COL28A1: variants seen among roughly 807,000 people sequenced by gnomAD.
COL28A1 encodes the protein collagen type XXVIII alpha 1 chain.
In COL28A1, 161 loss-of-function variants were observed where a neutral mutation model predicts 150.2. The observed-to-expected ratio is 1.07, with a 90% CI of 0.94 to 1.22. COL28A1 has a LOEUF of 1.22. Among genes scored for constraint, COL28A1 ranks in the 50% most tolerant of loss-of-function variants. COL28A1 has a pLI of 0.00. For missense variants in COL28A1, 1,617 were observed against 1,388.3 expected (o/e 1.16, Z -2.62); for synonymous variants, 552 against 469.7 (o/e 1.18, Z -2.26).
Position 7,449,203 on chromosome 7 carries a change from T to C in COL28A1, c.1509+3116A>G, listed in dbSNP as rs145207751. On this transcript the variant is annotated intron_variant, in intron 18 of 34. Transcript: ENST00000399429. Reference sequence around the variant, plus strand: ...CAGTTGAATGATCATCATAAAAAAGTACACATAATGAATTGAGTTTATCTC... The same window carrying C: ...CAGTTGAATGATCATCATAAAAAAGCACACATAATGAATTGAGTTTATCTC... Among the ~76,000 whole-genome samples, 107 of 152,210 alleles carry C rather than the reference T, an allele frequency of 7.0e-4. 1 individual carries two copies. Among genetic ancestry groups the C allele is most frequent in the African/African-American group, 2.4e-3 (100 of 41,568 alleles).
chr7:7,373,251 G>A lies in COL28A1; in HGVS notation c.2655C>T (p.Asn885=), dbSNP rs368864863. Residue 885 remains asparagine (N), a synonymous_variant, in exon 32 of 35, where the codon AAC becomes AAT. Coordinates refer to ENST00000399429, the MANE Select transcript of COL28A1 (RefSeq NM_001037763.3). The surrounding 1 kb of genome is among the most constrained non-coding windows in gnomAD (Gnocchi z 4.1). The part of the protein sequence containing the change: ...TYTATALQAA[N]DMFEDARPGV... ...CTGGCCTTGCATCTTCAAACATGTC[G>A]TTGGCTGCTTGCAGAGCAGTGGCTG... 22 of 1,614,004 alleles carry A rather than the reference G, an allele frequency of 1.4e-5. No individual in the cohort carries two copies. Among genetic ancestry groups the A allele is most frequent in the Admixed American group, 1.7e-5 (1 of 59,996 alleles).
chr7:7,510,996 T>C lies in COL28A1; in HGVS notation c.927+95A>G, dbSNP rs540334030. The C allele has an allele frequency of 5.3e-6, 5 of 942,412 alleles. No homozygotes were observed. The South Asian group carries it at 5.5e-5, about 10-fold the overall frequency. The allele number at this position is 942,412 out of a possible 1,614,324, so 58.4% of individuals were successfully genotyped here. A position where few individuals can be genotyped will look rare whatever the true frequency, so the allele number is the denominator to read the frequency against. On this transcript the variant is annotated intron_variant, in intron 9 of 34. Transcript: ENST00000399429. ...GAGCCATTGATTCCAACTCTAGTAG[T>C]GAGATCACCATAATTCAGCCCAGGA...
rs529683383 is a variant in COL28A1, at chr7:7,535,683, G to C, written c.-38+67C>G. The stretch of plus-strand genomic sequence containing the variant: ...AATAATTATGTAAGTAAGTCATTTA[G>C]TCTTCCACAGTTCCTTGATGGTCCT... On this transcript the variant is annotated intron_variant, in intron 1 of 34. Transcript: ENST00000399429. 1.5e-4 allele frequency: 23 copies of C among 152,278 alleles called. No individual in the cohort carries two copies. In the East Asian group the frequency reaches 3.1e-3, roughly 20 times the overall value. 9.4% of individuals were successfully genotyped at this position (152,278 alleles called of 1,614,324 possible). A position where few individuals can be genotyped will look rare whatever the true frequency, so the allele number is the denominator to read the frequency against.
intron 27 of COL28A1, among the ~76,000 whole-genome samples, chr7:7,407,642 T>C (rs921331202): frequency 6.6e-6 from 1 of 151,722 alleles, no homozygotes; most frequent in Non-Finnish European, 1.5e-5. Context: ...CAAAGTAAAA[T>C]GGAAAAAAAT....
chr7:7,522,295 AAAAT>A (rs1266441927), intron 4 of COL28A1, among the ~76,000 whole-genome samples: 2 of 152,218 alleles, frequency 1.3e-5, no homozygotes, highest in Non-Finnish European at 2.9e-5. Flanking sequence ...TTAAAAGGAG[AAAAT>A]AAATATTTTC....
chr7:7,472,083 C>G (rs1166976254), intron 15 of COL28A1, among the ~76,000 whole-genome samples: 1 of 152,154 alleles, frequency 6.6e-6, no homozygotes, highest in African/African-American at 2.4e-5. Flanking sequence ...TGGAGAAAAG[C>G]TGAAAGCATT....
intron 5 of COL28A1, among the ~76,000 whole-genome samples, chr7:7,520,736 C>T (rs1056513582): frequency 1.3e-5 from 2 of 152,102 alleles, no homozygotes; most frequent in Non-Finnish European, 2.9e-5. Flanking sequence ...TAAAATGTGA[C>T]AAGAATGTGA....
chr7:7,418,043 G>T, intron 26 of COL28A1, 116 bp from the exon 27 acceptor site: 1 of 742,144 alleles, frequency 1.3e-6, no homozygotes, highest in Non-Finnish European at 2.2e-6. Context: ...GGACTTTCAT[G>T]CTGCCTATAA....
chr7:7,484,845 C>CT (rs1269506851), intron 13 of COL28A1, among the ~76,000 whole-genome samples: 1 of 152,090 alleles, frequency 6.6e-6, no homozygotes, highest in African/African-American at 2.4e-5. Context: ...ATGGATGGAG[C>CT]TAGAAGCGCT....
rs778561595 is a variant in COL28A1, at chr7:7,474,575, C to T, written c.1302+26G>A. 23 of 924,948 alleles carry T rather than the reference C, an allele frequency of 2.5e-5. No homozygotes were observed. The South Asian group carries it at 3.1e-4, about 12-fold the overall frequency. 57.3% of individuals were successfully genotyped at this position (924,948 alleles called of 1,614,324 possible). ...AATGACAATTTTATTGGCATTGTTT[C>T]CAGTGTACACCCTATTATACAGTAC... On this transcript the variant is annotated intron_variant, in intron 15 of 34. Transcript: ENST00000399429.
Position 7,474,678 on chromosome 7 carries a change from A to G in COL28A1, c.1234-9T>C, listed in dbSNP as rs1172038184. 1.6e-6 allele frequency: 2 copies of G among 1,241,226 alleles called. No homozygotes were observed. The highest frequency in any genetic ancestry group is 3.4e-5 in the Admixed American group (2 of 59,520). 76.9% of individuals were successfully genotyped at this position (1,241,226 alleles called of 1,614,324 possible). On this transcript the variant is annotated splice_polypyrimidine_tract_variant and intron_variant, in intron 14 of 34. Coordinates refer to ENST00000399429, the MANE Select transcript of COL28A1 (RefSeq NM_001037763.3). ...TCAGAACCTTTTTCACCCTGAAAGTACAAGGGAGGGATATCAATGCACCAA... is the reference window on the plus strand; with the variant it reads ...TCAGAACCTTTTTCACCCTGAAAGTGCAAGGGAGGGATATCAATGCACCAA...
At chr7:7,415,636 C>T (rs886830618) in intron 27 of COL28A1, among the ~76,000 whole-genome samples, 5 of 152,138 alleles carry the variant, frequency 3.3e-5, no homozygotes, top group South Asian at 4.1e-4. Context: ...AGGATTCAAG[C>T]GATTCTCCTG....
intron 18 of COL28A1, 105 bp downstream of exon 18, chr7:7,452,214 G>C (rs1312445381): frequency 4.0e-6 from 6 of 1,492,776 alleles, no homozygotes; most frequent in Middle Eastern, 4.1e-4. Context: ...CCATTATGTA[G>C]AGTTAGATAA....
At chr7:7,418,424 A>T (rs1044693748) in intron 26 of COL28A1, among the ~76,000 whole-genome samples, 2 of 152,210 alleles carry the variant, frequency 1.3e-5, no homozygotes, top group African/African-American at 4.8e-5. Flanking sequence ...CAAGTGTAGC[A>T]TTTCCCAGTA....
At chr7:7,521,991 A>G (rs368595522) in intron 4 of COL28A1, 30 bp from the exon 5 acceptor site, 6 of 882,182 alleles carry the variant, frequency 6.8e-6, no homozygotes, top group South Asian at 1.3e-5. Flanking sequence ...TGATATTAAC[A>G]CACAGTGAAA....
In COL28A1 at chr7:7,455,936, T is replaced by C; in HGVS notation, c.1371+108A>G. The C allele has an allele frequency of 2.1e-6, 3 of 1,440,184 alleles. No homozygotes were observed. In the South Asian group the frequency reaches 4.5e-5, roughly 22 times the overall value. 89.2% of individuals were successfully genotyped at this position (1,440,184 alleles called of 1,614,324 possible). A position where few individuals can be genotyped will look rare whatever the true frequency, so the allele number is the denominator to read the frequency against. On this transcript the variant is annotated intron_variant, in intron 16 of 34. Coordinates refer to ENST00000399429, the MANE Select transcript of COL28A1 (RefSeq NM_001037763.3). ...CTTCTGGACTTATACTCCACTGCAATTAACTGTCAAATATACTCATAGATG... is the reference window on the plus strand; with the variant it reads ...CTTCTGGACTTATACTCCACTGCAACTAACTGTCAAATATACTCATAGATG...
chr7:7,367,327 G>A (rs1286935889), intron 33 of COL28A1, among the ~76,000 whole-genome samples: 1 of 152,188 alleles, frequency 6.6e-6, no homozygotes, highest in Non-Finnish European at 1.5e-5. Flanking sequence ...AACGATGCAT[G>A]ACTGCATGTC....
In COL28A1 at chr7:7,443,997, T is replaced by G. The variant is rs939882689; in HGVS notation, c.1582-344A>C. Reference sequence around the variant, plus strand: ...CCTTTCCATCTGCTGTTTTTTTTTTTTTTTTTTTTTGCTACTTTTACTGAA... The same window carrying G: ...CCTTTCCATCTGCTGTTTTTTTTTTGTTTTTTTTTTGCTACTTTTACTGAA... On this transcript the variant is annotated intron_variant, in intron 19 of 34. Transcript: ENST00000399429. 3.3e-5 allele frequency among the ~76,000 whole-genome samples: 5 copies of G among 151,208 alleles called. No individual in the cohort carries two copies. The East Asian group carries it at 7.7e-4, about 23-fold the overall frequency.
intron 27 of COL28A1, among the ~76,000 whole-genome samples, chr7:7,389,122 T>A (rs1562525596): frequency 6.6e-6 from 1 of 152,174 alleles, no homozygotes; most frequent in Non-Finnish European, 1.5e-5. Flanking sequence ...GGTTTTTTTT[T>A]AAGGTTTTAG....
Sources: gnomAD v4.1 joint callset for allele counts (sites outside exome capture counted in the v4.1 genomes callset) on GRCh38, gnomAD v4.1.1 for gene constraint, Gnocchi (gnomAD v3.1) non-coding constraint, MANE v1.5 for transcripts, NCBI Gene and HGNC (gene_info 2026-07-23, HGNC 2026-07-21) for gene names.